The following USP8 variants were observed in gnomAD, a reference collection of about 807,000 sequenced individuals.
USP8 encodes the protein ubiquitin specific peptidase 8.
USP8 carries 27 observed loss-of-function variants against 130.0 expected under a neutral mutation model. That is an observed-to-expected ratio of 0.21 (90% CI 0.15 to 0.29). USP8 has a LOEUF of 0.29. Ranked by LOEUF, USP8 falls within the 10% of genes least tolerant of loss-of-function variation. The probability of loss-of-function intolerance (pLI) is 1.00; values close to 1 mark genes in which losing one functional copy is unlikely to be tolerated. For synonymous variants in USP8, 392 were observed against 444.1 expected (o/e 0.88, Z 1.48); for missense variants, 1,029 against 1,312.2 (o/e 0.78, Z 3.33).
In USP8 at chr15:50,461,859, A is replaced by C. The variant is rs1017173385; in HGVS notation, c.499-421A>C. Among the ~76,000 whole-genome samples, 541 of 152,318 alleles carry C rather than the reference A, an allele frequency of 3.6e-3. 4 individuals carry two copies. Among genetic ancestry groups the C allele is most frequent in the African/African-American group, 0.012 (512 of 41,564 alleles). On this transcript the variant is annotated intron_variant, in intron 5 of 19. Transcript: ENST00000307179. ...GGAGCAAGACTCCGTCTCAAAAAAA[A>C]AAAAAAAATGTAAACTACATAAGCA... is the stretch of plus-strand genomic sequence containing the variant.
At chr15:50,451,946 C>T (rs1436394170) in intron 4 of USP8, among the ~76,000 whole-genome samples, 1 of 152,182 alleles carries the variant, frequency 6.6e-6, no homozygotes, top group African/African-American at 2.4e-5. Context: ...TAAATTCTGC[C>T]TAATCATCTG....
chr15:50,457,937 A>G (rs541998988), intron 4 of USP8, among the ~76,000 whole-genome samples: 4 of 152,270 alleles, frequency 2.6e-5, no homozygotes, highest in South Asian at 2.1e-4. Context: ...AAAGAGAATA[A>G]TAAAATGGAA....
At chr15:50,485,349 C>A (rs1180266011) in intron 12 of USP8, among the ~76,000 whole-genome samples, 5 of 150,854 alleles carry the variant, frequency 3.3e-5, no homozygotes, top group Admixed American at 2.6e-4. Context: ...ACTCGGGAGG[C>A]TGAGGCAGGA....
intron 13 of USP8, 52 bp from the exon 14 acceptor site, chr15:50,490,211 T>TA (rs2052106472): frequency 6.5e-7 from 1 of 1,527,908 alleles, no homozygotes; most frequent in African/African-American, 1.4e-5. Flanking sequence ...TTTGTTTATA[T>TA]AATGCTTATT....
intron 11 of USP8, 73 bp downstream of exon 11, chr15:50,482,138 A>T (rs1397148737): frequency 1.0e-5 from 14 of 1,356,356 alleles, no homozygotes; most frequent in Non-Finnish European, 1.9e-6. Flanking sequence ...CACCAGTGGC[A>T]TTCCATAAAA....
chr15:50,508,096 A>G lies in USP8; in HGVS notation c.*9008A>G. The G allele has an allele frequency of 7.5e-6, 1 of 133,602 alleles. No individual in the cohort carries two copies. The highest frequency in any genetic ancestry group is 1.6e-5 in the Non-Finnish European group (1 of 62,140). 8.3% of individuals were successfully genotyped at this position (133,602 alleles called of 1,614,324 possible). ...AAAAAAAAAAAAAAAAAAAAAAAAGATTAGTTTAATTTAGACCCTAGTCTT... is the reference window on the plus strand; with the variant it reads ...AAAAAAAAAAAAAAAAAAAAAAAAGGTTAGTTTAATTTAGACCCTAGTCTT... On this transcript the variant is annotated 3_prime_UTR_variant, in exon 20 of 20. Transcript: ENST00000307179.
chr15:50,458,933 C>A, intron 4 of USP8, 67 bp from the exon 5 acceptor site: 1 of 1,589,592 alleles, frequency 6.3e-7, no homozygotes, highest in African/African-American at 1.4e-5. Context: ...TTTTACAGAA[C>A]TGAAACTCCT....
intron 7 of USP8, among the ~76,000 whole-genome samples, chr15:50,469,298 T>G (rs999671030): frequency 6.6e-6 from 1 of 151,994 alleles, no homozygotes; most frequent in African/African-American, 2.4e-5. Context: ...TTTAATTAAA[T>G]TAATTAAATT....
Position 50,445,506 on chromosome 15 carries a change from A to G in USP8, c.250-3894A>G, listed in dbSNP as rs182894612. Among the ~76,000 whole-genome samples, 55 of 126,918 alleles carry G rather than the reference A, an allele frequency of 4.3e-4. 1 individual carries two copies. The highest frequency in any genetic ancestry group is 1.6e-3 in the African/African-American group (54 of 33,998). 83.3% of individuals were successfully genotyped at this position (126,918 alleles called of 152,430 possible). ...GGTTGCAGTGAGCCGAGATCGCACC[A>G]CTGCACTCCAGCCTGGGCGACAGAG... On this transcript the variant is annotated intron_variant, in intron 3 of 19. Coordinates refer to ENST00000307179, the MANE Select transcript of USP8 (RefSeq NM_005154.5).
At chr15:50,463,276 T>C (rs1449199341) in intron 6 of USP8, 1 of 152,196 alleles carries the variant, frequency 6.6e-6, no homozygotes, top group Non-Finnish European at 1.5e-5. Flanking sequence ...AAATTATCCA[T>C]AGGTGGCGTT....
intron 15 of USP8, chr15:50,493,704 C>T (rs993565974): frequency 2.7e-5 from 10 of 373,112 alleles, no homozygotes; most frequent in South Asian, 4.1e-5. Context: ...GTGATTGTGC[C>T]GCTATACTCC....
chr15:50,475,371 C>G (rs747034560), intron 8 of USP8, among the ~76,000 whole-genome samples: 6 of 151,914 alleles, frequency 3.9e-5, no homozygotes, highest in Non-Finnish European at 8.8e-5. Flanking sequence ...CTTATTAAAA[C>G]AAGATACCAT....
rs564421965 is a variant in USP8 at position 50,486,766 on chromosome 15, A to C, written c.1890+2405A>C. Among the ~76,000 whole-genome samples the C allele has an allele frequency of 2.6e-5, 4 of 152,176 alleles. 1 individual carries two copies. The highest frequency in any genetic ancestry group is 9.7e-5 in the African/African-American group (4 of 41,440). On this transcript the variant is annotated intron_variant, in intron 12 of 19. Transcript: ENST00000307179. ...TTGGGGACTTGGGGGCAAGAGATAA[A>C]AGACTACAAATAGGGTGCAGTGTAT...
intron 4 of USP8, among the ~76,000 whole-genome samples, chr15:50,449,997 C>T (rs1268389515): frequency 3.3e-5 from 5 of 149,824 alleles, no homozygotes; most frequent in African/African-American, 4.9e-5. Flanking sequence ...GGGTTCACGC[C>T]ATTCTCCTGC....
intron 4 of USP8, among the ~76,000 whole-genome samples, chr15:50,455,798 T>G (rs1487918121): frequency 1.3e-5 from 2 of 152,154 alleles, no homozygotes; most frequent in Non-Finnish European, 2.9e-5. Flanking sequence ...TTAGCTGGGC[T>G]CCTTAGTATC....
intron 3 of USP8, among the ~76,000 whole-genome samples, chr15:50,446,068 T>C (rs1013887778): frequency 2.0e-5 from 3 of 152,216 alleles, no homozygotes; most frequent in Non-Finnish European, 4.4e-5. Context: ...TTAAAATTTT[T>C]ATGGTATTCT....
rs1249251178 is a variant in USP8, at chr15:50,505,299, GTT to G, written c.*6213_*6214del. On this transcript the variant is annotated 3_prime_UTR_variant, in exon 20 of 20. Transcript: ENST00000307179. ...AAAAGCAACCAGAAAGAAAAAGAGA[GTT>G]TACCCACAAGAATCTAACCTGCTGG... is the stretch of plus-strand genomic sequence containing the variant. 2 of 151,970 alleles carry G rather than the reference GTT, an allele frequency of 1.3e-5. No homozygotes were observed. Among genetic ancestry groups the G allele is most frequent in the Non-Finnish European group, 2.9e-5 (2 of 68,012 alleles). The allele number at this position is 151,970 out of a possible 1,614,324, so 9.4% of individuals were successfully genotyped here.
At chr15:50,475,562 C>A (rs991758041) in intron 8 of USP8, among the ~76,000 whole-genome samples, 1 of 151,982 alleles carries the variant, frequency 6.6e-6, no homozygotes, top group Non-Finnish European at 1.5e-5. Flanking sequence ...TGTATATATA[C>A]ACACACATAT....
intron 1 of USP8, among the ~76,000 whole-genome samples, chr15:50,426,273 T>C (rs764821573): frequency 2.0e-5 from 3 of 152,202 alleles, no homozygotes; most frequent in Non-Finnish European, 4.4e-5. Context: ...GCACTCATAT[T>C]TATGGAAGTG....
Sources: allele counts gnomAD v4.1 joint callset (sites outside exome capture counted in the v4.1 genomes callset), GRCh38; gene constraint gnomAD v4.1.1; transcripts MANE v1.5; gene names NCBI Gene and HGNC (gene_info 2026-07-23, HGNC 2026-07-21).